The following IRAG2 variants were observed in gnomAD, a reference collection of about 807,000 sequenced individuals.
IRAG2 encodes the protein inositol 1,4,5-triphosphate receptor associated 2, also known as lymphoid restricted membrane protein.
In IRAG2, 45 loss-of-function variants were observed where a neutral mutation model predicts 69.9. That is an observed-to-expected ratio of 0.64 (90% CI 0.51 to 0.83). The LOEUF (loss-of-function observed/expected upper bound fraction) is 0.83, where lower values mean the gene tolerates loss of function less well. Ranked by LOEUF, IRAG2 falls within the 40% of genes least tolerant of loss-of-function variation. The pLI is 0.00. For missense variants in IRAG2, 520 were observed against 587.0 expected (o/e 0.89, Z 1.18); for synonymous variants, 193 against 202.4 (o/e 0.95, Z 0.40).
chr12:25,005,429 G>T, intron 2 of IRAG2: 1 of 601,666 alleles, frequency 1.7e-6, no homozygotes, highest in Non-Finnish European at 2.4e-6. Context: ...GTGAGAGAAA[G>T]GGAAATGATT....
At chr12:25,015,452 G>T in intron 5 of IRAG2, 1 of 1,209,914 alleles carries the variant, frequency 8.3e-7, no homozygotes, top group Non-Finnish European at 1.0e-6. Flanking sequence ...CTCTGCTTTC[G>T]CAAGTGTTTC....
chr12:25,082,642 C>T (rs1198789055), intron 9 of IRAG2, among the ~76,000 whole-genome samples: 1 of 151,274 alleles, frequency 6.6e-6, no homozygotes, highest in Non-Finnish European at 1.5e-5. Context: ...CAAAACAAAA[C>T]AAAAAACCTA....
In IRAG2 at chr12:25,036,656, T is replaced by C. The variant is rs1475324484; in HGVS notation, c.1950T>C (p.Thr650=). The change falls in exon 15 of 39, where the codon ACT becomes ACC. Residue 650 remains threonine, a synonymous_variant. Coordinates refer to the IRAG2 transcript ENST00000636465. ...GGTGGGTAACTAATCCAGAAATTACTGTGAAAGAAAAGTGGGAGGAGCAGC... is the reference window on the plus strand; with the variant it reads ...GGTGGGTAACTAATCCAGAAATTACCGTGAAAGAAAAGTGGGAGGAGCAGC... 18 of 398,818 alleles carry C rather than the reference T, an allele frequency of 4.5e-5. No homozygotes were observed. In the Admixed American group the frequency reaches 6.6e-4, roughly 15 times the overall value. The allele number at this position is 398,818 out of a possible 1,614,324, so 24.7% of individuals were successfully genotyped here.
chr12:25,082,004 C>T (rs956696580), intron 9 of IRAG2, among the ~76,000 whole-genome samples: 1 of 152,128 alleles, frequency 6.6e-6, no homozygotes, highest in Non-Finnish European at 1.5e-5. Context: ...ACATGATCCT[C>T]CTGTCCCAGG....
chr12:25,026,985 G>A, intron 9 of IRAG2: 1 of 459,392 alleles, frequency 2.2e-6, no homozygotes, highest in Non-Finnish European at 3.5e-6. Context: ...GAAACTTTTA[G>A]TCTACAAAAT....
chr12:25,098,369 T>C (rs576802281), intron 15 of IRAG2, among the ~76,000 whole-genome samples: 195 of 152,302 alleles, frequency 1.3e-3, no homozygotes, highest in Non-Finnish European at 2.6e-3. Context: ...ATATTCTCTC[T>C]CAAACACAGG....
chr12:24,999,278 A>T, the IRAG2 span, among the ~76,000 whole-genome samples: 1 of 152,240 alleles, frequency 6.6e-6, no homozygotes, highest in East Asian at 1.9e-4. Flanking sequence ...AATCAAATAT[A>T]TAACGAATAA....
chr12:25,024,854 C>T (rs551853529), intron 8 of IRAG2, among the ~76,000 whole-genome samples: 7 of 152,256 alleles, frequency 4.6e-5, no homozygotes, highest in South Asian at 2.1e-4. Context: ...ATGAGTGACA[C>T]GTATCAAAGA....
At chr12:25,084,663 A>G (rs1048861283) in intron 10 of IRAG2, among the ~76,000 whole-genome samples, 2 of 152,120 alleles carry the variant, frequency 1.3e-5, no homozygotes, top group Non-Finnish European at 2.9e-5. Flanking sequence ...TCAAGTTAAG[A>G]GGAGGCCATG....
At chr12:25,013,306 G>A (rs1422374974) in intron 3 of IRAG2, among the ~76,000 whole-genome samples, 2 of 152,094 alleles carry the variant, frequency 1.3e-5, no homozygotes, top group Non-Finnish European at 2.9e-5. Context: ...GCAAGATTCT[G>A]TCTCTACAAA....
chr12:25,033,619 A>G (rs776740178), intron 12 of IRAG2: 13 of 346,082 alleles, frequency 3.8e-5, no homozygotes, highest in Non-Finnish European at 6.7e-5. Flanking sequence ...GTTGGTACCA[A>G]TTCTTTTAAA....
chr12:25,011,057 T>A (rs1217489069), intron 2 of IRAG2, among the ~76,000 whole-genome samples: 2 of 152,222 alleles, frequency 1.3e-5, no homozygotes, highest in Non-Finnish European at 2.9e-5. Flanking sequence ...ACATATATCA[T>A]CAATATTTAA....
intron 1 of IRAG2, among the ~76,000 whole-genome samples, chr12:25,054,428 A>G (rs1945095909): frequency 6.6e-6 from 1 of 152,202 alleles, no homozygotes; most frequent in Admixed American, 6.5e-5. Flanking sequence ...ATAAACTACT[A>G]AGAATTTGTT....
intron 16 of IRAG2, among the ~76,000 whole-genome samples, chr12:25,044,573 A>G (rs985769305): frequency 2.0e-5 from 3 of 152,174 alleles, no homozygotes; most frequent in African/African-American, 7.2e-5. Context: ...GAAGGTGAAG[A>G]GATGAAAAAA....
At chr12:25,064,699 T>C (rs1190838947) in intron 4 of IRAG2, among the ~76,000 whole-genome samples, 1 of 152,020 alleles carries the variant, frequency 6.6e-6, no homozygotes. Flanking sequence ...ACTAATGGAG[T>C]GTCTATTTTG....
upstream of IRAG2, among the ~76,000 whole-genome samples, chr12:25,047,781 G>T (rs2139869127): frequency 6.6e-6 from 1 of 152,322 alleles, no homozygotes; most frequent in Non-Finnish European, 1.5e-5. Context: ...TCCCTGCAAA[G>T]GACGTGACCT....
At chr12:25,074,164 TAAAC>T (rs1946516839) in intron 6 of IRAG2, among the ~76,000 whole-genome samples, 1 of 152,200 alleles carries the variant, frequency 6.6e-6, no homozygotes, top group Non-Finnish European at 1.5e-5. Context: ...AGGATTCAAA[TAAAC>T]ACACACAAAT....
rs190693212 is a variant in IRAG2 at position 25,073,399 on chromosome 12, G to A, written c.24+3968G>A. On this transcript the variant is annotated intron_variant, in intron 6 of 21. Transcript: ENST00000556887. ...TTATTTAGGTTGTACTCACTACAACGTCTGTTTAAAACACTGAGAGTGAGC... is the reference window on the plus strand; with the variant it reads ...TTATTTAGGTTGTACTCACTACAACATCTGTTTAAAACACTGAGAGTGAGC... Among the ~76,000 whole-genome samples, 21 of 152,312 alleles carry A rather than the reference G, an allele frequency of 1.4e-4. No homozygotes were observed. In the East Asian group the frequency reaches 3.5e-3, roughly 25 times the overall value.
intron 3 of IRAG2, among the ~76,000 whole-genome samples, chr12:25,013,999 C>G (rs1284962776): frequency 6.7e-6 from 1 of 150,308 alleles, no homozygotes. Flanking sequence ...CTCAGCCTCC[C>G]GAGTAGCTGG....
Sources: allele counts gnomAD v4.1 joint callset (sites outside exome capture counted in the v4.1 genomes callset), GRCh38; gene constraint gnomAD v4.1.1; transcripts MANE v1.5; gene names NCBI Gene and HGNC (gene_info 2026-07-23, HGNC 2026-07-21).